The following CDKL4 variants were observed in gnomAD, a reference collection of about 807,000 sequenced individuals.
CDKL4 encodes the protein cyclin-dependent kinase-like 4.
Under a neutral mutation model 42.0 loss-of-function variants are expected in CDKL4, and 44 were observed. The observed-to-expected ratio is 1.05, with a 90% CI of 0.82 to 1.35. The LOEUF (loss-of-function observed/expected upper bound fraction) is 1.35. CDKL4 is among the 40% of genes most tolerant of loss of function. The pLI is 0.00. For synonymous variants in CDKL4, 120 were observed against 121.6 expected (o/e 0.99, Z 0.09); for missense variants, 393 against 369.9 (o/e 1.06, Z -0.51).
At chr2:39,195,914 G>A (rs752677723) in intron 5 of CDKL4, among the ~76,000 whole-genome samples, 33 of 152,272 alleles carry the variant, frequency 2.2e-4, no homozygotes, top group African/African-American at 6.3e-4. Context: ...ACAGAGCAGC[G>A]TGTGGAGACT....
intron 3 of CDKL4, among the ~76,000 whole-genome samples, chr2:39,218,771 T>C (rs1228988779): frequency 4.6e-5 from 7 of 152,212 alleles, no homozygotes; most frequent in Non-Finnish European, 1.0e-4. Flanking sequence ...TGAAACTCTC[T>C]GTCCTCTGGG....
At chr2:39,225,721 A>C in intron 3 of CDKL4, 118 bp downstream of exon 3, 2 of 940,608 alleles carry the variant, frequency 2.1e-6, no homozygotes, top group Non-Finnish European at 3.1e-6. Flanking sequence ...TGGGGTAGCC[A>C]GATGCATTGT....
intron 1 of CDKL4, among the ~76,000 whole-genome samples, chr2:39,240,502 A>T (rs1679606640): frequency 6.6e-6 from 1 of 152,054 alleles, no homozygotes; most frequent in Non-Finnish European, 1.5e-5. Context: ...AATAGATCTA[A>T]CAATGACATG....
chr2:39,201,286 T>C (rs1419850173), intron 5 of CDKL4, among the ~76,000 whole-genome samples: 1 of 134,950 alleles, frequency 7.4e-6, no homozygotes, highest in East Asian at 2.2e-4. Context: ...CCTGCAAGAA[T>C]GGCTATAACC....
chr2:39,172,968 C>T (rs1158229861), downstream of CDKL4, among the ~76,000 whole-genome samples: 1 of 152,084 alleles, frequency 6.6e-6, no homozygotes, highest in African/African-American at 2.4e-5. Flanking sequence ...CCCAGTGACA[C>T]CTAAGTGATG....
intron 1 of CDKL4, among the ~76,000 whole-genome samples, chr2:39,238,307 C>T (rs1679472876): frequency 6.6e-6 from 1 of 152,134 alleles, no homozygotes. Context: ...GTGGCCCTCG[C>T]CTGTGGTCTC....
At chr2:39,183,148 C>T (rs1271804748) in intron 8 of CDKL4, among the ~76,000 whole-genome samples, 4 of 151,986 alleles carry the variant, frequency 2.6e-5, no homozygotes, top group Admixed American at 6.6e-5. Context: ...GGTGTGGTGG[C>T]GTGTGCCTGT....
At chr2:39,188,237 C>G (rs1478454214) in intron 6 of CDKL4, among the ~76,000 whole-genome samples, 2 of 152,060 alleles carry the variant, frequency 1.3e-5, no homozygotes, top group African/African-American at 4.8e-5. Flanking sequence ...AAACCAGTCT[C>G]TTTGTCACAT....
At chr2:39,218,249 C>T (rs1678060591) in intron 3 of CDKL4, among the ~76,000 whole-genome samples, 1 of 151,956 alleles carries the variant, frequency 6.6e-6, no homozygotes, top group Admixed American at 6.5e-5. Flanking sequence ...GCCTGTAATC[C>T]CAGCACTTTG....
chr2:39,190,827 G>A (rs1296974982), intron 5 of CDKL4, among the ~76,000 whole-genome samples: 2 of 152,154 alleles, frequency 1.3e-5, no homozygotes, highest in Non-Finnish European at 2.9e-5. Context: ...CCATCAGCAT[G>A]GTGGTTGTTG....
chr2:39,194,689 T>G (rs1350456363), intron 5 of CDKL4, among the ~76,000 whole-genome samples: 3 of 152,232 alleles, frequency 2.0e-5, no homozygotes, highest in Non-Finnish European at 2.9e-5. Flanking sequence ...AGCTCTTATC[T>G]ATCAACCTAT....
intron 2 of CDKL4, among the ~76,000 whole-genome samples, chr2:39,226,492 T>TATATTATATATATTATATATA (rs1558580675): frequency 6.8e-6 from 1 of 146,074 alleles, no homozygotes. Flanking sequence ...ATATTATATA[T>TATATTATATATATTATATATA]TTTCAGCATT....
At chr2:39,196,803 T>C (rs1384414951) in intron 5 of CDKL4, among the ~76,000 whole-genome samples, 1 of 152,176 alleles carries the variant, frequency 6.6e-6, no homozygotes, top group African/African-American at 2.4e-5. Context: ...AGACAAGGTT[T>C]AGCCATGTTG....
At chr2:39,181,976 C>A (rs1398481814) in intron 8 of CDKL4, among the ~76,000 whole-genome samples, 1 of 151,942 alleles carries the variant, frequency 6.6e-6, no homozygotes, top group South Asian at 2.1e-4. Flanking sequence ...AATTTATTCA[C>A]GTTGATTTTA....
downstream of CDKL4, among the ~76,000 whole-genome samples, chr2:39,174,408 A>AC (rs2148272746): frequency 6.6e-6 from 1 of 151,696 alleles, no homozygotes; most frequent in East Asian, 1.9e-4. Flanking sequence ...TCAAAAAAAA[A>AC]AAAACCCTTC....
chr2:39,221,503 A>G (rs1485142864), intron 3 of CDKL4, among the ~76,000 whole-genome samples: 2 of 152,234 alleles, frequency 1.3e-5, no homozygotes, highest in East Asian at 3.8e-4. Flanking sequence ...GAGTACAAGT[A>G]GATGAATGCT....
At chr2:39,197,897 A>T (rs1285978525) in intron 5 of CDKL4, among the ~76,000 whole-genome samples, 1 of 152,188 alleles carries the variant, frequency 6.6e-6, no homozygotes, top group Non-Finnish European at 1.5e-5. Context: ...TTAAAGCATA[A>T]ATCTCACAGG....
intron 5 of CDKL4, among the ~76,000 whole-genome samples, chr2:39,190,753 G>T (rs1209092094): frequency 1.3e-5 from 2 of 152,156 alleles, no homozygotes; most frequent in Non-Finnish European, 1.5e-5. Flanking sequence ...TGATAGGGAT[G>T]GGGGGAATGA....
chr2:39,182,228 T>G (rs1176840735), intron 8 of CDKL4, among the ~76,000 whole-genome samples: 1 of 152,160 alleles, frequency 6.6e-6, no homozygotes, highest in African/African-American at 2.4e-5. Context: ...TGGGCTCGAG[T>G]GATCCTCCTG....
Sources: allele counts gnomAD v4.1 joint callset (sites outside exome capture counted in the v4.1 genomes callset), GRCh38; gene constraint gnomAD v4.1.1; transcripts MANE v1.5; gene names NCBI Gene and HGNC (gene_info 2026-07-23, HGNC 2026-07-21).